Variants in RHOBTB1 observed in about 807,000 individuals in gnomAD.
The protein encoded by RHOBTB1 is Rho related BTB domain containing 1, also known as rho-related BTB domain-containing protein 1.
Under a neutral mutation model 71.6 loss-of-function variants are expected in RHOBTB1, and 40 were observed. The ratio of observed to expected loss-of-function variants is 0.56; its 90% CI spans 0.43 to 0.73. The LOEUF (loss-of-function observed/expected upper bound fraction) is 0.73, where lower values mean the gene tolerates loss of function less well. Among genes scored for constraint, RHOBTB1 ranks in the 30% least tolerant of loss-of-function variants. The probability of loss-of-function intolerance (pLI) is 0.00; values close to 1 mark genes in which losing one functional copy is unlikely to be tolerated. For synonymous variants in RHOBTB1, 319 were observed against 334.9 expected (o/e 0.95, Z 0.52); for missense variants, 797 against 894.0 (o/e 0.89, Z 1.38).
the RHOBTB1 span, among the ~76,000 whole-genome samples, chr10:60,863,008 G>A: frequency 1.3e-5 from 2 of 152,044 alleles, no homozygotes; most frequent in African/African-American, 4.8e-5. Context: ...TTAAATACAA[G>A]TTTTAAAAGT....
At chr10:60,903,821 T>C (rs2082529973) in intron 4 of RHOBTB1, among the ~76,000 whole-genome samples, 2 of 152,150 alleles carry the variant, frequency 1.3e-5, no homozygotes, top group Non-Finnish European at 2.9e-5. Context: ...AGGATCTGGT[T>C]CCATTTTTTT....
At chr10:60,903,480 A>G (rs139544052) in intron 4 of RHOBTB1, among the ~76,000 whole-genome samples, 4 of 152,304 alleles carry the variant, frequency 2.6e-5, no homozygotes, top group East Asian at 3.9e-4. Context: ...GCTGCCAGAG[A>G]TTACCACCAT....
chr10:60,944,852 C>T (rs1239311418), upstream of RHOBTB1, among the ~76,000 whole-genome samples: 1 of 152,176 alleles, frequency 6.6e-6, no homozygotes, highest in Non-Finnish European at 1.5e-5. Flanking sequence ...CGGGAGGGGT[C>T]CCCCCAGGGG....
intron 4 of RHOBTB1, among the ~76,000 whole-genome samples, chr10:60,908,802 T>A (rs935398823): frequency 1.3e-5 from 2 of 152,174 alleles, no homozygotes; most frequent in Non-Finnish European, 2.9e-5. Flanking sequence ...TCAGGACGCC[T>A]GGAGGCTGTG....
intron 2 of RHOBTB1, among the ~76,000 whole-genome samples, chr10:60,921,093 C>T (rs754403107): frequency 2.0e-4 from 31 of 152,098 alleles, no homozygotes; most frequent in South Asian, 2.1e-4. Context: ...GGATTACTGG[C>T]ACCCACCATC....
At chr10:60,949,195 A>G (rs1320315414) in intron 2 of RHOBTB1, among the ~76,000 whole-genome samples, 1 of 152,228 alleles carries the variant, frequency 6.6e-6, no homozygotes, top group Non-Finnish European at 1.5e-5. Context: ...CTGCTAAAGT[A>G]GATGCTTCTC....
chr10:60,882,236 A>AATGC (rs1191280218), intron 7 of RHOBTB1, among the ~76,000 whole-genome samples: 2 of 151,976 alleles, frequency 1.3e-5, no homozygotes, highest in East Asian at 3.9e-4. Flanking sequence ...AAGAGAATAT[A>AATGC]ATGCTACCCT....
chr10:60,884,302 T>G (rs922566280), intron 7 of RHOBTB1, among the ~76,000 whole-genome samples: 1 of 152,198 alleles, frequency 6.6e-6, no homozygotes, highest in African/African-American at 2.4e-5. Flanking sequence ...TTAGCTATTG[T>G]TTTTTGCATT....
rs763268687 is a variant in RHOBTB1, at chr10:60,872,154, C to A, written c.1921+31G>T. On this transcript the variant is annotated intron_variant, in intron 10 of 10. Transcript: ENST00000337910. ...AAGCTTCCATGAGAGGTGAGGAGAG[C>A]TGGATGAATGGGGGCCTCACACAGT... is the stretch of plus-strand genomic sequence containing the variant. 8 of 1,473,142 alleles carry A rather than the reference C, an allele frequency of 5.4e-6. No individual in the cohort carries two copies. The East Asian group carries it at 1.4e-4, about 25-fold the overall frequency. 91.3% of individuals were successfully genotyped at this position (1,473,142 alleles called of 1,614,324 possible). A position where few individuals can be genotyped will look rare whatever the true frequency, so the allele number is the denominator to read the frequency against.
chr10:60,879,787 C>T (rs960044212), intron 7 of RHOBTB1, among the ~76,000 whole-genome samples: 3 of 152,140 alleles, frequency 2.0e-5, no homozygotes, highest in Non-Finnish European at 2.9e-5. Context: ...TCTCCATACA[C>T]ATGCACTTGC....
chr10:60,913,223 A>G (rs2083084307), intron 2 of RHOBTB1, among the ~76,000 whole-genome samples: 1 of 152,372 alleles, frequency 6.6e-6, no homozygotes, highest in Middle Eastern at 3.4e-3. Context: ...CTGTAACGCC[A>G]TCACAGGAGG....
chr10:60,966,099 A>C (rs1281323032), intron 2 of RHOBTB1, among the ~76,000 whole-genome samples: 3 of 152,154 alleles, frequency 2.0e-5, no homozygotes, highest in Non-Finnish European at 4.4e-5. Context: ...GACTAGAAGA[A>C]TTCTATAGCA....
chr10:60,911,877 A>T lies in RHOBTB1; in HGVS notation c.-10-325T>A, dbSNP rs72811893. ...GCCACTGTCGGGACAGCTGGCACAC[A>T]TTTATAGCCTACTGGATACTCACGT... On this transcript the variant is annotated intron_variant, in intron 2 of 10. Coordinates refer to ENST00000337910, the MANE Select transcript of RHOBTB1 (RefSeq NM_014836.5). Among the ~76,000 whole-genome samples, 240 of 152,238 alleles carry T rather than the reference A, an allele frequency of 1.6e-3. 2 individuals are homozygous for T. Among genetic ancestry groups the T allele is most frequent in the Non-Finnish European group, 2.5e-3 (173 of 68,024 alleles).
At chr10:60,899,892 C>T (rs932623299) in intron 4 of RHOBTB1, among the ~76,000 whole-genome samples, 4 of 152,088 alleles carry the variant, frequency 2.6e-5, no homozygotes, top group African/African-American at 9.7e-5. Context: ...GCAAAAATTG[C>T]TGTTGAAAAT....
intron 2 of RHOBTB1, among the ~76,000 whole-genome samples, chr10:60,978,497 T>C (rs1256426234): frequency 6.6e-6 from 1 of 152,134 alleles, no homozygotes; most frequent in Non-Finnish European, 1.5e-5. Flanking sequence ...TAAGGCTAAG[T>C]TGGGAGAGAG....
At chr10:60,863,965 G>C in the RHOBTB1 span, among the ~76,000 whole-genome samples, 3 of 152,106 alleles carry the variant, frequency 2.0e-5, no homozygotes, top group Non-Finnish European at 4.4e-5. Flanking sequence ...CCCTGCCTCC[G>C]GCCTGAAATG....
At chr10:60,878,138 T>C (rs1434858499) in intron 7 of RHOBTB1, 80 bp from the exon 8 acceptor site, 7 of 1,146,322 alleles carry the variant, frequency 6.1e-6, no homozygotes, top group Admixed American at 2.0e-5. Context: ...TGCTTATAAA[T>C]ATCCTGTGTG....
chr10:60,996,961 T>C (rs2087073279), intron 1 of RHOBTB1, among the ~76,000 whole-genome samples: 1 of 152,040 alleles, frequency 6.6e-6, no homozygotes, highest in Non-Finnish European at 1.5e-5. Flanking sequence ...AACACTCAAC[T>C]CTTATTACTA....
intron 2 of RHOBTB1, among the ~76,000 whole-genome samples, chr10:60,965,962 C>A (rs2085943278): frequency 6.6e-6 from 1 of 151,796 alleles, no homozygotes; most frequent in Non-Finnish European, 1.5e-5. Context: ...GTTGGCCATG[C>A]AGAAATAACA....
Sources: gnomAD v4.1 joint callset for allele counts (sites outside exome capture counted in the v4.1 genomes callset) on GRCh38, gnomAD v4.1.1 for gene constraint, MANE v1.5 for transcripts, NCBI Gene and HGNC (gene_info 2026-07-23, HGNC 2026-07-21) for gene names.